The following DAPK1 variants were observed in gnomAD, a reference collection of about 807,000 sequenced individuals.
DAPK1 encodes death-associated protein kinase 1.
Under a neutral mutation model 144.9 loss-of-function variants are expected in DAPK1, and 56 were observed. The observed-to-expected ratio is 0.39, with a 90% CI of 0.31 to 0.48. The LOEUF (loss-of-function observed/expected upper bound fraction) is 0.48. DAPK1 is among the 20% of genes least tolerant of loss of function. DAPK1 has a pLI of 0.95. For missense variants in DAPK1, 1,454 were observed against 1,875.4 expected, an observed-to-expected ratio of 0.78 and a Z score of 4.15; for synonymous variants, 690 against 749.0, an observed-to-expected ratio of 0.92 and a Z score of 1.29.
intron 21 of DAPK1, among the ~76,000 whole-genome samples, chr9:87,687,375 A>G (rs1484996305): frequency 6.6e-6 from 1 of 152,226 alleles, no homozygotes; most frequent in East Asian, 1.9e-4. Context: ...CATGTGAATG[A>G]GAACATGCAG....
At chr9:87,507,805 C>T (rs921774495) in intron 2 of DAPK1, among the ~76,000 whole-genome samples, 29 of 152,022 alleles carry the variant, frequency 1.9e-4, no homozygotes, top group Admixed American at 1.1e-3. Flanking sequence ...AAATTTGGCT[C>T]GAGGTACGGA....
chr9:87,508,289 G>C (rs1185515834), intron 2 of DAPK1, among the ~76,000 whole-genome samples: 1 of 151,976 alleles, frequency 6.6e-6, no homozygotes, highest in African/African-American at 2.4e-5. Context: ...TGGGATTACA[G>C]GTGTGAGTCG....
intron 11 of DAPK1, 86 bp from the exon 12 acceptor site, chr9:87,645,809 C>A: frequency 6.5e-7 from 1 of 1,532,542 alleles, no homozygotes; most frequent in South Asian, 1.2e-5. Context: ...CCCCTGTTAA[C>A]AAGTGAGCAC....
intron 2 of DAPK1, among the ~76,000 whole-genome samples, chr9:87,547,088 C>T (rs1257622616): frequency 9.2e-5 from 14 of 152,144 alleles, no homozygotes; most frequent in Admixed American, 7.2e-4. Flanking sequence ...GCCTGGGAGG[C>T]GGAGGTTGCA....
intron 2 of DAPK1, among the ~76,000 whole-genome samples, chr9:87,561,820 T>C (rs773887005): frequency 1.3e-5 from 2 of 152,150 alleles, no homozygotes; most frequent in East Asian, 1.9e-4. Context: ...CTCAGTGCCA[T>C]TGGAGACCCA....
chr9:87,692,430 C>G (rs1173279902), intron 21 of DAPK1, among the ~76,000 whole-genome samples: 1 of 152,068 alleles, frequency 6.6e-6, no homozygotes, highest in Non-Finnish European at 1.5e-5. Context: ...AGTCAAACAG[C>G]CAGTCTGTAT....
chr9:87,509,620 A>G (rs937923481), intron 2 of DAPK1, among the ~76,000 whole-genome samples: 4 of 152,306 alleles, frequency 2.6e-5, no homozygotes. Flanking sequence ...TCGGCCCCCC[A>G]CAATGCTGGG....
At chr9:87,552,894 C>A (rs377360153) in intron 2 of DAPK1, among the ~76,000 whole-genome samples, 21 of 152,100 alleles carry the variant, frequency 1.4e-4, no homozygotes, top group African/African-American at 4.8e-4. Context: ...GCCATTGAGC[C>A]TGGCTATATT....
At chr9:87,574,883 G>A (rs58337847) in intron 2 of DAPK1, among the ~76,000 whole-genome samples, 3,687 of 148,870 alleles carry the variant, frequency 0.025, 152 homozygotes, top group African/African-American at 0.085. Context: ...ATCATGCCAC[G>A]GCACTCCAGC....
At chr9:87,515,409 A>G (rs1587676395) in intron 2 of DAPK1, among the ~76,000 whole-genome samples, 1 of 152,234 alleles carries the variant, frequency 6.6e-6, no homozygotes, top group African/African-American at 2.4e-5. Context: ...ATAATTTAAT[A>G]TGCTGAAATG....
intron 19 of DAPK1, among the ~76,000 whole-genome samples, chr9:87,671,145 G>A (rs1831236729): frequency 1.3e-5 from 2 of 152,196 alleles, no homozygotes; most frequent in Non-Finnish European, 2.9e-5. Context: ...GACTGGCATA[G>A]TGAGGAGTAG....
chr9:87,532,777 A>C (rs2118374470), intron 2 of DAPK1, among the ~76,000 whole-genome samples: 1 of 152,216 alleles, frequency 6.6e-6, no homozygotes, highest in South Asian at 2.1e-4. Flanking sequence ...TTATTACGAA[A>C]ATTTTTAAAT....
intron 2 of DAPK1, among the ~76,000 whole-genome samples, chr9:87,528,622 A>G (rs926489681): frequency 6.6e-6 from 1 of 152,034 alleles, no homozygotes; most frequent in African/African-American, 2.4e-5. Context: ...TCACTTTCTC[A>G]GTGAAGCCAA....
At chr9:87,636,935 G>T (rs1829916914) in intron 3 of DAPK1, among the ~76,000 whole-genome samples, 1 of 152,166 alleles carries the variant, frequency 6.6e-6, no homozygotes, top group African/African-American at 2.4e-5. Context: ...AATGCATGCT[G>T]TGTGCCTGGC....
chr9:87,596,885 T>G (rs185428897), intron 2 of DAPK1, among the ~76,000 whole-genome samples: 1 of 152,288 alleles, frequency 6.6e-6, no homozygotes, highest in Non-Finnish European at 1.5e-5. Context: ...TGGACCCAGC[T>G]TAGGGGGTTT....
At chr9:87,618,682 G>A (rs577717154) in intron 3 of DAPK1, among the ~76,000 whole-genome samples, 1 of 152,156 alleles carries the variant, frequency 6.6e-6, no homozygotes, top group Non-Finnish European at 1.5e-5. Context: ...TGATTTTATT[G>A]ACATGAACTG....
At chr9:87,657,818 A>AG in intron 17 of DAPK1, 1 of 569,456 alleles carries the variant, frequency 1.8e-6, no homozygotes, top group Admixed American at 3.0e-5. Flanking sequence ...TTGAAGTTGT[A>AG]TTTTGAAGCT....
At chr9:87,604,387 GA>G (rs1828639335) in intron 2 of DAPK1, among the ~76,000 whole-genome samples, 1 of 152,332 alleles carries the variant, frequency 6.6e-6, no homozygotes, top group Middle Eastern at 3.4e-3. Flanking sequence ...GACGGGAGGA[GA>G]GGGGAGATAA....
chr9:87,516,127 C>T (rs187610620), intron 2 of DAPK1, among the ~76,000 whole-genome samples: 5 of 152,300 alleles, frequency 3.3e-5, no homozygotes, highest in Non-Finnish European at 7.3e-5. Context: ...TTGGAGTTCA[C>T]TCTCTGGCTG....
Sources: gnomAD v4.1 joint callset for allele counts (sites outside exome capture counted in the v4.1 genomes callset) on GRCh38, gnomAD v4.1.1 for gene constraint, MANE v1.5 for transcripts, NCBI Gene and HGNC (gene_info 2026-07-23, HGNC 2026-07-21) for gene names.